The following EDRF1 variants were observed in gnomAD, a reference collection of about 807,000 sequenced individuals.
EDRF1 encodes erythroid differentiation regulatory factor 1.
Under a neutral mutation model 148.7 loss-of-function variants are expected in EDRF1, and 69 were observed. The ratio of observed to expected loss-of-function variants is 0.46; its 90% CI spans 0.38 to 0.57. The LOEUF (loss-of-function observed/expected upper bound fraction) is 0.57. Ranked by LOEUF, EDRF1 falls within the 20% of genes least tolerant of loss-of-function variation. EDRF1 has a pLI of 0.00. For synonymous variants in EDRF1, 515 were observed against 532.8 expected, an observed-to-expected ratio of 0.97 and a Z score of 0.46; for missense variants, 1,118 against 1,478.7, an observed-to-expected ratio of 0.76 and a Z score of 4.00.
chr10:125,758,674 G>C (rs1280348431), intron 24 of EDRF1, among the ~76,000 whole-genome samples: 1 of 152,176 alleles, frequency 6.6e-6, no homozygotes, highest in Admixed American at 6.5e-5. Flanking sequence ...TCTACCTTCA[G>C]CTCTAGGTCT....
At chr10:125,758,681 GTCTT>G (rs1026721638) in intron 24 of EDRF1, among the ~76,000 whole-genome samples, 4 of 152,142 alleles carry the variant, frequency 2.6e-5, no homozygotes, top group Admixed American at 1.3e-4. Context: ...TCAGCTCTAG[GTCTT>G]TCTTTTGTTT....
intron 22 of EDRF1, 113 bp from the exon 23 acceptor site, chr10:125,752,686 C>T: frequency 1.4e-6 from 1 of 705,918 alleles, no homozygotes; most frequent in Non-Finnish European, 2.5e-6. Flanking sequence ...TTAAGATTCT[C>T]ATTAGCTTCC....
chr10:125,736,340 T>A (rs990273435), intron 13 of EDRF1, among the ~76,000 whole-genome samples: 5 of 152,154 alleles, frequency 3.3e-5, no homozygotes, highest in Admixed American at 3.3e-4. Context: ...AGGACAGTAC[T>A]TTTTTCGTGA....
rs369013505 is a variant in EDRF1, at chr10:125,735,769, G to C, written c.1623G>C (p.Glu541Asp). 1.4e-5 allele frequency: 22 copies of C among 1,613,728 alleles called. No individual in the cohort carries two copies. In the African/African-American group the frequency reaches 1.6e-4, roughly 12 times the overall value. ...AAAGTTATAGTGAAGAGGAGGAAGA[G>C]ATGCCCGACAGTGATGAAAATGGAT... is the stretch of plus-strand genomic sequence containing the variant. Reference protein sequence around the residue: ...SDESYSEEEEEMPDSDENGSY... With the variant: ...SDESYSEEEEDMPDSDENGSY... The change falls in exon 13 of 25, where the codon GAG becomes GAC. Residue 541 changes from glutamate (E) to aspartate (D), a missense_variant. Transcript: ENST00000356792.
rs556604032 is a variant in EDRF1 at position 125,720,669 on chromosome 10, G to T, written c.109-535G>T. ...CTACTAAAAATACAAAAATTAGCCGGACGTGGTAGTGCACGCCTGTAATTC... is the reference window on the plus strand; with the variant it reads ...CTACTAAAAATACAAAAATTAGCCGTACGTGGTAGTGCACGCCTGTAATTC... On this transcript the variant is annotated intron_variant, in intron 1 of 24. Transcript: ENST00000356792. Among the ~76,000 whole-genome samples the T allele has an allele frequency of 8.5e-5, 13 of 152,134 alleles. No homozygotes were observed. In the South Asian group the frequency reaches 2.7e-3, roughly 32 times the overall value.
chr10:125,721,986 C>T (rs779791152), intron 2 of EDRF1, among the ~76,000 whole-genome samples: 4 of 152,112 alleles, frequency 2.6e-5, no homozygotes, highest in African/African-American at 4.8e-5. Context: ...TTTCTTCTTC[C>T]CCCTTCTCAG....
chr10:125,732,533 C>T (rs143598113), intron 9 of EDRF1, among the ~76,000 whole-genome samples: 80 of 152,208 alleles, frequency 5.3e-4, no homozygotes, highest in Non-Finnish European at 9.4e-4. Flanking sequence ...TAAAATCAGA[C>T]ATTGGAGCCT....
rs1458748112 is a variant in EDRF1 at position 125,737,934 on chromosome 10, C to T, written c.1775C>T (p.Pro592Leu). The T allele has an allele frequency of 1.2e-6, 2 of 1,613,878 alleles. No individual in the cohort carries two copies. Among genetic ancestry groups the T allele is most frequent in the Non-Finnish European group, 1.7e-6 (2 of 1,179,896 alleles). The change falls in exon 14 of 25, where the codon CCA becomes CTA. Residue 592 changes from proline (P) to leucine (L), a missense_variant. Pro to Leu is a moderately conservative substitution (Grantham distance 98, BLOSUM62 -3). Coordinates refer to ENST00000356792, the MANE Select transcript of EDRF1 (RefSeq NM_001202438.2). ...IHQIRPSCAF[P>L]VCHDTEERCR... ...TTCCTCAAGCCCAGTTGTGCATTTC[C>T]AGTTTGCCATGACACAGAAGAGCGC...
chr10:125,720,531 C>T (rs1041877340), intron 1 of EDRF1, among the ~76,000 whole-genome samples: 3 of 152,132 alleles, frequency 2.0e-5, no homozygotes, highest in African/African-American at 4.8e-5. Flanking sequence ...CATCTTTGGC[C>T]GGGCGCGGTG....
chr10:125,721,265 C>T lies in EDRF1; in HGVS notation c.170C>T (p.Ser57Phe). 2 of 1,614,224 alleles carry T rather than the reference C, an allele frequency of 1.2e-6. No homozygotes were observed. The highest frequency in any genetic ancestry group is 1.1e-5 in the South Asian group (1 of 91,086). The part of the protein sequence containing the change: ...VKSRAVVKYS[S>F]APPRTAFARL... ...AGCCGAGCTGTGGTGAAATACTCTTCTGCCCCTCCTCGAACAGCATTTGCA... is the reference window on the plus strand; with the variant it reads ...AGCCGAGCTGTGGTGAAATACTCTTTTGCCCCTCCTCGAACAGCATTTGCA... The change falls in exon 2 of 25, where the codon TCT (serine) becomes TTT (phenylalanine). Residue 57 changes from serine to phenylalanine, a missense_variant. Ser to Phe is a radical substitution (Grantham distance 155). Transcript: ENST00000356792.
At chr10:125,742,732 A>C (rs1372984726) in intron 17 of EDRF1, 1 of 985,074 alleles carries the variant, frequency 1.0e-6, no homozygotes, top group African/African-American at 1.7e-5. Flanking sequence ...TTAGTTAAAA[A>C]TAGCAACTTT....
intron 3 of EDRF1, 35 bp downstream of exon 3, chr10:125,723,169 G>T: frequency 6.3e-7 from 1 of 1,587,134 alleles, no homozygotes; most frequent in Non-Finnish European, 8.7e-7. Context: ...TAATTTTGGA[G>T]GTGTTTTGTG....
rs2296830 is a variant in EDRF1 at position 125,763,971 on chromosome 10, C to T, written c.*499C>T. On this transcript the variant is annotated 3_prime_UTR_variant, in exon 25 of 25. Transcript: ENST00000356792. The surrounding 1 kb of genome is among the most constrained non-coding windows in gnomAD (Gnocchi z 4.3). Reference sequence around the variant, plus strand: ...GCTTCAGTGCAGGATTTTTCAAAGACGAGCTGTTGTGCAATTTGCTGTATT... The same window carrying T: ...GCTTCAGTGCAGGATTTTTCAAAGATGAGCTGTTGTGCAATTTGCTGTATT... The T allele has an allele frequency of 0.014, 2,235 of 164,660 alleles. 52 individuals are homozygous for T. The highest frequency in any genetic ancestry group is 0.09 in the East Asian group (531 of 5,884). The allele number at this position is 164,660 out of a possible 1,614,324, so 10.2% of individuals were successfully genotyped here.
chr10:125,739,217 C>T (rs1848893073), intron 15 of EDRF1, among the ~76,000 whole-genome samples: 4 of 152,132 alleles, frequency 2.6e-5, no homozygotes, highest in East Asian at 1.9e-4. Context: ...CCTGAACAAA[C>T]ATGGTGGAGG....
intron 19 of EDRF1, 135 bp from the exon 20 acceptor site, chr10:125,747,401 C>A: frequency 9.9e-7 from 1 of 1,007,970 alleles, no homozygotes; most frequent in Non-Finnish European, 1.5e-6. Context: ...TTCATTTCCT[C>A]ATAATATTGT....
intron 24 of EDRF1, among the ~76,000 whole-genome samples, chr10:125,757,971 A>G (rs1447488733): frequency 6.6e-6 from 1 of 152,100 alleles, no homozygotes; most frequent in Non-Finnish European, 1.5e-5. Flanking sequence ...CGTTATGCCT[A>G]TGTTAGACTG....
intron 1 of EDRF1, 47 bp downstream of exon 1, chr10:125,719,962 G>T (rs373256950): frequency 2.6e-6 from 4 of 1,541,298 alleles, no homozygotes; most frequent in Non-Finnish European, 3.6e-6. Context: ...GGGAGCGGAG[G>T]ACCCGCTCCA....
At chr10:125,754,519 A>G (rs1849800233) in intron 24 of EDRF1, among the ~76,000 whole-genome samples, 1 of 152,250 alleles carries the variant, frequency 6.6e-6, no homozygotes, top group Admixed American at 6.5e-5. Flanking sequence ...TTTGATGCTC[A>G]GGGCCAAGTG....
intron 24 of EDRF1, chr10:125,757,074 A>C (rs1285539477): frequency 7.0e-6 from 3 of 425,676 alleles, no homozygotes; most frequent in African/African-American, 4.1e-5. Context: ...CAGACTCCCA[A>C]AGTGCTGGGA....
Sources: allele counts gnomAD v4.1 joint callset (sites outside exome capture counted in the v4.1 genomes callset), GRCh38; gene constraint gnomAD v4.1.1; non-coding constraint Gnocchi (gnomAD v3.1); transcripts MANE v1.5; gene names NCBI Gene and HGNC (gene_info 2026-07-23, HGNC 2026-07-21).